DHRSX: variants seen among roughly 807,000 people sequenced by gnomAD.
DHRSX encodes polyprenol dehydrogenase.
A neutral mutation model predicts 34.0 loss-of-function variants in DHRSX; 31 were observed. The ratio of observed to expected loss-of-function variants is 0.91; its 90% CI spans 0.69 to 1.23. DHRSX has a LOEUF of 1.23. Among genes scored for constraint, DHRSX ranks in the 50% most tolerant of loss-of-function variants. DHRSX has a pLI of 0.00. For synonymous variants in DHRSX, 201 were observed against 183.8 expected, an observed-to-expected ratio of 1.09 and a Z score of -0.76; for missense variants, 414 against 428.1, an observed-to-expected ratio of 0.97 and a Z score of 0.29.
intron 4 of DHRSX, among the ~76,000 whole-genome samples, chrX:2,276,241 T>G (rs34605807): frequency 0.24 from 36,702 of 152,106 alleles, 6,013 homozygotes; most frequent in African/African-American, 0.47. Flanking sequence ...GCACAAGTTT[T>G]AATCATCAGC....
chrX:2,271,933 C>T (rs189448812), intron 4 of DHRSX, among the ~76,000 whole-genome samples: 5 of 152,064 alleles, frequency 3.3e-5, no homozygotes, highest in East Asian at 3.9e-4. Flanking sequence ...CCCAGCTACT[C>T]GGGAAGCTGA....
intron 6 of DHRSX, among the ~76,000 whole-genome samples, chrX:2,231,828 TTTC>T (rs1173999659): frequency 2.0e-5 from 3 of 147,710 alleles, no homozygotes; most frequent in African/African-American, 7.5e-5. Context: ...TCTTCCTTTC[TTTC>T]TCCTCTTTCT....
At chrX:2,387,914 A>C (rs2043290832) in intron 3 of DHRSX, among the ~76,000 whole-genome samples, 1 of 150,952 alleles carries the variant, frequency 6.6e-6, no homozygotes, top group Non-Finnish European at 1.5e-5. Flanking sequence ...CAAAAAAAAA[A>C]AAAAAAAAAA....
intron 3 of DHRSX, among the ~76,000 whole-genome samples, chrX:2,360,400 T>C (rs56272646): frequency 0.27 from 40,304 of 151,944 alleles, 7,039 homozygotes; most frequent in Non-Finnish European, 0.4. Flanking sequence ...CTGACCAACA[T>C]GGTGAAACCC....
chrX:2,236,731 C>T (rs1456705340), intron 6 of DHRSX, among the ~76,000 whole-genome samples: 1 of 152,146 alleles, frequency 6.6e-6, no homozygotes, highest in African/African-American at 2.4e-5. Flanking sequence ...TGCGCCCGGC[C>T]ACCTGGAGCA....
intron 1 of DHRSX, among the ~76,000 whole-genome samples, chrX:2,430,258 C>A (rs867662387): frequency 4.7e-3 from 580 of 123,072 alleles, no homozygotes; most frequent in Non-Finnish European, 5.4e-3. Context: ...GACCCCAGCT[C>A]AAAAAAAAAA....
At chrX:2,402,108 G>A (rs909365073) in intron 3 of DHRSX, among the ~76,000 whole-genome samples, 18 of 152,166 alleles carry the variant, frequency 1.2e-4, no homozygotes, top group African/African-American at 2.9e-4. Context: ...CTAGACAGGC[G>A]CCCAGCATGT....
chrX:2,414,132 C>A (rs990493153), intron 2 of DHRSX, among the ~76,000 whole-genome samples: 11 of 151,720 alleles, frequency 7.3e-5, no homozygotes, highest in Admixed American at 4.6e-4. Context: ...ACAAGCCCAA[C>A]AAGAACTAAT....
At position 2,370,835 on chromosome X, in the gene DHRSX, G is replaced by T. The variant is rs766301207; in HGVS notation, c.286+37910C>A. ...AGCCTCACCTGGAGCAAACGTCAGA[G>T]GATCAAGCAACGCTTCCTTAGGACC... On this transcript the variant is annotated intron_variant, in intron 3 of 6. Coordinates refer to ENST00000334651, the MANE Select transcript of DHRSX (RefSeq NM_145177.3). 3.3e-5 allele frequency among the ~76,000 whole-genome samples: 5 copies of T among 152,288 alleles called. No homozygotes were observed. The East Asian group carries it at 9.7e-4, about 29-fold the overall frequency.
At chrX:2,476,158 C>G (rs2044674943) in intron 1 of DHRSX, among the ~76,000 whole-genome samples, 1 of 152,148 alleles carries the variant, frequency 6.6e-6, no homozygotes, top group Non-Finnish European at 1.5e-5. Context: ...GAGTCCAAGG[C>G]AGGTGGATCA....
chrX:2,275,263 C>T (rs1476705110), intron 4 of DHRSX, among the ~76,000 whole-genome samples: 5 of 150,232 alleles, frequency 3.3e-5, no homozygotes, highest in Admixed American at 1.3e-4. Flanking sequence ...TCTGGGAGGC[C>T]GAGGCAGGCG....
At chrX:2,411,272 G>A (rs766817119) in intron 2 of DHRSX, among the ~76,000 whole-genome samples, 3 of 152,162 alleles carry the variant, frequency 2.0e-5, no homozygotes, top group South Asian at 2.1e-4. Flanking sequence ...GGCCGGGTGC[G>A]GTGGCTCATG....
intron 3 of DHRSX, among the ~76,000 whole-genome samples, chrX:2,403,518 A>G (rs1603053717): frequency 6.6e-6 from 1 of 152,304 alleles, no homozygotes; most frequent in Non-Finnish European, 1.5e-5. Flanking sequence ...TTAAAAACTG[A>G]TGATCGAATA....
intron 1 of DHRSX, among the ~76,000 whole-genome samples, chrX:2,475,239 G>A (rs1194407878): frequency 6.7e-6 from 1 of 149,140 alleles, no homozygotes; most frequent in Non-Finnish European, 1.5e-5. Context: ...GTTCCCCTAG[G>A]CATAATGACC....
intron 1 of DHRSX, among the ~76,000 whole-genome samples, chrX:2,470,017 G>A (rs1393846237): frequency 1.3e-5 from 2 of 151,906 alleles, no homozygotes; most frequent in Non-Finnish European, 2.9e-5. Flanking sequence ...ATCAACAGAT[G>A]AGTACATCAA....
At chrX:2,397,121 T>C (rs2043421679) in intron 3 of DHRSX, among the ~76,000 whole-genome samples, 1 of 152,078 alleles carries the variant, frequency 6.6e-6, no homozygotes, top group Non-Finnish European at 1.5e-5. Flanking sequence ...TGCCTCAGCC[T>C]CCTGAGTAGC....
At chrX:2,232,821 G>A (rs1339626444) in intron 6 of DHRSX, among the ~76,000 whole-genome samples, 1 of 151,984 alleles carries the variant, frequency 6.6e-6, no homozygotes, top group Non-Finnish European at 1.5e-5. Flanking sequence ...ATTCGCCCAT[G>A]TCAGCCTCCA....
chrX:2,410,805 T>C (rs1401773280), intron 2 of DHRSX, among the ~76,000 whole-genome samples: 1 of 152,186 alleles, frequency 6.6e-6, no homozygotes, highest in Non-Finnish European at 1.5e-5. Context: ...CTAAGATAAA[T>C]AGTGCAAAGT....
At chrX:2,252,536 G>A (rs922398617) in intron 5 of DHRSX, among the ~76,000 whole-genome samples, 8 of 152,102 alleles carry the variant, frequency 5.3e-5, no homozygotes, top group African/African-American at 1.9e-4. Flanking sequence ...TTGATTGATG[G>A]GTAAGAGGAA....
Sources: allele counts gnomAD v4.1 joint callset (sites outside exome capture counted in the v4.1 genomes callset), GRCh38; gene constraint gnomAD v4.1.1; transcripts MANE v1.5; gene names NCBI Gene and HGNC (gene_info 2026-07-23, HGNC 2026-07-21).